The following SIN3B variants were observed in gnomAD, a reference collection of about 807,000 sequenced individuals.
SIN3B encodes the protein SIN3 transcription regulator family member B.
A neutral mutation model predicts 120.2 loss-of-function variants in SIN3B; 19 were observed. That is an observed-to-expected ratio of 0.16 (90% CI 0.11 to 0.23). SIN3B has a LOEUF of 0.23. SIN3B is among the 10% of genes least tolerant of loss of function. The pLI is 1.00. For synonymous variants in SIN3B, 654 were observed against 653.2 expected (o/e 1.00, Z -0.02); for missense variants, 1,073 against 1,573.0 (o/e 0.68, Z 5.38).
At chr19:16,867,092 G>A (rs925391650) in intron 12 of SIN3B, among the ~76,000 whole-genome samples, 2 of 152,122 alleles carry the variant, frequency 1.3e-5, no homozygotes, top group African/African-American at 4.8e-5. Flanking sequence ...CGTCCCTCCC[G>A]TGGGGCAGTG....
intron 3 of SIN3B, among the ~76,000 whole-genome samples, chr19:16,834,400 C>A (rs903828826): frequency 3.9e-5 from 6 of 152,180 alleles, no homozygotes; most frequent in Non-Finnish European, 1.5e-5. Context: ...TCTTGACAGG[C>A]GCCACACTGG....
chr19:16,839,584 C>G (rs1971391250), intron 3 of SIN3B, among the ~76,000 whole-genome samples: 1 of 152,132 alleles, frequency 6.6e-6, no homozygotes, highest in Admixed American at 6.6e-5. Flanking sequence ...GACCTTGGCT[C>G]CATGCTGCTT....
chr19:16,868,208 C>T (rs984282062), intron 12 of SIN3B, among the ~76,000 whole-genome samples: 28 of 152,114 alleles, frequency 1.8e-4, no homozygotes, highest in Admixed American at 1.6e-3. Flanking sequence ...AGTCAGAGGG[C>T]GATGGTCACA....
intron 14 of SIN3B, among the ~76,000 whole-genome samples, chr19:16,874,483 G>A (rs548920151): frequency 3.3e-5 from 5 of 151,892 alleles, no homozygotes; most frequent in Non-Finnish European, 5.9e-5. Flanking sequence ...CATCTGGTCT[G>A]GTGTGGTTTG....
intron 13 of SIN3B, among the ~76,000 whole-genome samples, chr19:16,870,345 G>T (rs560555916): frequency 2.0e-5 from 3 of 152,054 alleles, no homozygotes; most frequent in African/African-American, 7.2e-5. Flanking sequence ...GGGCTTTCTC[G>T]TGGAGCCGTC....
In SIN3B at chr19:16,871,396, C is replaced by G. The variant is rs2051509095; in HGVS notation, c.2590C>G (p.Gln864Glu). Residue 864 changes from glutamine (Q) to glutamate (E), a missense_variant and splice_region_variant, in exon 14 of 19, where the codon CAG (glutamine) becomes GAG (glutamate). Physicochemically the swap from Gln to Glu is conservative, Grantham distance 29 (BLOSUM62 2). Coordinates refer to ENST00000248054, the MANE Select transcript of SIN3B (RefSeq NM_001297595.2). ...CAAGCTGGTGCAGAACATTGCGCGGCAGGTGAGCCGGGCCGGGGTGGGGCC... is the reference window on the plus strand; with the variant it reads ...CAAGCTGGTGCAGAACATTGCGCGGGAGGTGAGCCGGGCCGGGGTGGGGCC... ...MDKLVQNIAR[Q>E]LHHLVSDDVC... is the part of the protein sequence containing the mutation. The G allele has an allele frequency of 1.9e-6, 3 of 1,600,272 alleles. No individual in the cohort carries two copies. The highest frequency in any genetic ancestry group is 1.7e-5 in the Admixed American group (1 of 59,040).
chr19:16,831,458 C>T, intron 2 of SIN3B, 36 bp from the exon 3 acceptor site: 2 of 1,602,798 alleles, frequency 1.2e-6, no homozygotes, highest in South Asian at 1.1e-5. Flanking sequence ...ATTTATTTCC[C>T]AAGACCCTTT....
At chr19:16,840,542 A>G (rs1193468274) in intron 3 of SIN3B, among the ~76,000 whole-genome samples, 1 of 152,176 alleles carries the variant, frequency 6.6e-6, no homozygotes, top group Non-Finnish European at 1.5e-5. Flanking sequence ...CACTCACCCC[A>G]CTGACGGTGC....
At chr19:16,852,145 G>C (rs943496670) in intron 6 of SIN3B, among the ~76,000 whole-genome samples, 1 of 151,884 alleles carries the variant, frequency 6.6e-6, no homozygotes, top group Non-Finnish European at 1.5e-5. Flanking sequence ...TCTTTCCTTT[G>C]AGACAGAGTC....
chr19:16,850,873 G>A (rs1476822460), intron 5 of SIN3B, among the ~76,000 whole-genome samples: 9 of 152,184 alleles, frequency 5.9e-5, no homozygotes, highest in Admixed American at 1.3e-4. Context: ...GGCAGGCCCC[G>A]AACCAGCCAC....
chr19:16,829,923 C>A, intron 2 of SIN3B, 26 bp downstream of exon 2: 1 of 1,536,744 alleles, frequency 6.5e-7, no homozygotes, highest in South Asian at 1.1e-5. Context: ...CTCTCCACCT[C>A]AGGGGACCCC....
intron 5 of SIN3B, 89 bp downstream of exon 5, chr19:16,847,202 A>G (rs368387064): frequency 4.7e-5 from 68 of 1,451,540 alleles, no homozygotes; most frequent in East Asian, 3.7e-4. Flanking sequence ...GGCCAAGCCT[A>G]TGTACCCTCC....
rs1353980067 is a variant in SIN3B at position 16,862,034 on chromosome 19, A to G, written c.1059-318A>G. On this transcript the variant is annotated intron_variant, in intron 8 of 18. Coordinates refer to ENST00000248054, the MANE Select transcript of SIN3B (RefSeq NM_001297595.2). The surrounding 1 kb of genome is among the most constrained non-coding windows in gnomAD (Gnocchi z 4.7). Reference sequence around the variant, plus strand: ...AAGCCTGGCCTCTTCCAGTCAGGGAACATCAGGGGTTCCAGCTTCTGCCAG... The same window carrying G: ...AAGCCTGGCCTCTTCCAGTCAGGGAGCATCAGGGGTTCCAGCTTCTGCCAG... Among the ~76,000 whole-genome samples the G allele has an allele frequency of 6.6e-6, 1 of 152,234 alleles. No individual in the cohort carries two copies. Among genetic ancestry groups the G allele is most frequent in the Non-Finnish European group, 1.5e-5 (1 of 68,036 alleles).
chr19:16,857,857 TTTCTC>T (rs1250780121), intron 8 of SIN3B, among the ~76,000 whole-genome samples: 4 of 151,894 alleles, frequency 2.6e-5, no homozygotes, highest in African/African-American at 9.7e-5. Flanking sequence ...CTTTGCTTCT[TTTCTC>T]TTCTCTTTTC....
At chr19:16,877,679 T>C (rs1323230736) in intron 17 of SIN3B, 40 bp downstream of exon 17, 1 of 1,412,806 alleles carries the variant, frequency 7.1e-7, no homozygotes, top group Non-Finnish European at 9.9e-7. Flanking sequence ...CCTTCCTTCC[T>C]GGGCCCAGGG....
At chr19:16,842,813 C>T (rs759783675) in intron 4 of SIN3B, among the ~76,000 whole-genome samples, 15 of 152,146 alleles carry the variant, frequency 9.9e-5, no homozygotes, top group South Asian at 2.1e-4. Flanking sequence ...GTTCCCAACC[C>T]GTCCGGGGCC....
chr19:16,855,934 G>C (rs1213160154), intron 8 of SIN3B, among the ~76,000 whole-genome samples: 2 of 152,018 alleles, frequency 1.3e-5, no homozygotes, highest in Non-Finnish European at 2.9e-5. Flanking sequence ...GCACACGCCT[G>C]TTGTCCCAGC....
In SIN3B at chr19:16,866,368, C is replaced by T. The variant is rs147064214; in HGVS notation, c.1623-5C>T. The T allele has an allele frequency of 2.4e-4, 393 of 1,609,804 alleles. 7 individuals carry two copies. The South Asian group carries it at 3.2e-3, about 13-fold the overall frequency. On this transcript the variant is annotated splice_region_variant and splice_polypyrimidine_tract_variant and intron_variant, in intron 11 of 18. Transcript: ENST00000248054. ...CCCTGGTGCTGACCTCTCTTCCCCC[C>T]GCAGACTGAAGGCCAAGGAAGAGGA...
At position 16,869,873 on chromosome 19, in the gene SIN3B, C is replaced by T; in HGVS notation, c.2220C>T (p.Tyr740=). 2 of 1,614,248 alleles carry T rather than the reference C, an allele frequency of 1.2e-6. No individual in the cohort carries two copies. The highest frequency in any genetic ancestry group is 1.7e-6 in the Non-Finnish European group (2 of 1,180,046). Residue 740 remains tyrosine (Y), a synonymous_variant, in exon 13 of 19, where the codon TAC becomes TAT. Transcript: ENST00000248054. ...CGCACAAGCCCCTGGACGATGTCTA[C>T]AGCCTATTTTTTGCCAACAACAACT... ...PAPHKPLDDV[Y]SLFFANNNWY...
Sources: gnomAD v4.1 joint callset for allele counts (sites outside exome capture counted in the v4.1 genomes callset) on GRCh38, gnomAD v4.1.1 for gene constraint, Gnocchi (gnomAD v3.1) non-coding constraint, MANE v1.5 for transcripts, NCBI Gene and HGNC (gene_info 2026-07-23, HGNC 2026-07-21) for gene names.